The following ADAMTSL1 variants were observed in gnomAD, a reference collection of about 807,000 sequenced individuals.
ADAMTSL1 encodes the protein ADAMTS-like protein 1.
ADAMTSL1 carries 126 observed loss-of-function variants against 201.8 expected under a neutral mutation model. That is an observed-to-expected ratio of 0.62 (90% CI 0.54 to 0.72). The LOEUF (loss-of-function observed/expected upper bound fraction) is 0.72, where lower values mean the gene tolerates loss of function less well. ADAMTSL1 is among the 30% of genes least tolerant of loss of function. The pLI, the probability that ADAMTSL1 is intolerant of heterozygous loss-of-function variation, is 0.00. For missense variants in ADAMTSL1, 2,679 were observed against 2,277.8 expected (o/e 1.18, Z -3.59); for synonymous variants, 1,121 against 903.4 (o/e 1.24, Z -4.32).
chr9:18,363,324 C>T lies in ADAMTSL1; in HGVS notation c.208-141505C>T, dbSNP rs892538967. Among the ~76,000 whole-genome samples, 51 of 152,320 alleles carry T rather than the reference C, an allele frequency of 3.3e-4. 1 individual carries two copies. Among genetic ancestry groups the T allele is most frequent in the African/African-American group, 1.2e-3 (49 of 41,580 alleles). Reference sequence around the variant, plus strand: ...CTGAGGTCTCTCCTAAGTAAACAATCATAAACTCAGTTGTGTAGGCAATCC... The same window carrying T: ...CTGAGGTCTCTCCTAAGTAAACAATTATAAACTCAGTTGTGTAGGCAATCC... On this transcript the variant is annotated intron_variant, in intron 2 of 29. Transcript: ENST00000680146.
Position 18,777,341 on chromosome 9 carries a change from C to T in ADAMTSL1, c.3112C>T (p.Leu1038=), listed in dbSNP as rs530149736. 1.4e-5 allele frequency: 22 copies of T among 1,601,456 alleles called. No homozygotes were observed. In the African/African-American group the frequency reaches 1.9e-4, roughly 14 times the overall value. ...LLEQGGWPGE[L]LASWEAQDSA... ...GGAGCAGGGCGGCTGGCCCGGAGAG[C>T]TGCTGGCCTCGTGGGAGGCGCAGGA... The change falls in exon 19 of 29, where the codon CTG becomes TTG. Residue 1038 remains leucine (L), a synonymous_variant. Transcript: ENST00000380548.
intron 1 of ADAMTSL1, among the ~76,000 whole-genome samples, chr9:17,976,688 C>T (rs1203082680): frequency 6.6e-6 from 1 of 151,700 alleles, no homozygotes; most frequent in Non-Finnish European, 1.5e-5. Flanking sequence ...CTCACTCTCT[C>T]TCTTGCTCTC....
intron 1 of ADAMTSL1, among the ~76,000 whole-genome samples, chr9:17,997,984 A>C (rs1003130263): frequency 2.0e-5 from 3 of 152,046 alleles, no homozygotes; most frequent in Non-Finnish European, 4.4e-5. Flanking sequence ...CATTAATAGA[A>C]ATAGAAGCAG....
At chr9:17,954,562 G>A (rs1329017689) in intron 1 of ADAMTSL1, among the ~76,000 whole-genome samples, 1 of 152,170 alleles carries the variant, frequency 6.6e-6, no homozygotes, top group Non-Finnish European at 1.5e-5. Flanking sequence ...CCCAAACTTA[G>A]TTACTGATAA....
At chr9:18,720,516 G>A (rs977984369) in intron 14 of ADAMTSL1, among the ~76,000 whole-genome samples, 21 of 152,222 alleles carry the variant, frequency 1.4e-4, no homozygotes, top group African/African-American at 5.1e-4. Context: ...AGGTGCAATG[G>A]CTCACGCCTG....
chr9:18,839,751 A>T (rs1181211121), intron 23 of ADAMTSL1, among the ~76,000 whole-genome samples: 1 of 151,902 alleles, frequency 6.6e-6, no homozygotes, highest in African/African-American at 2.4e-5. Context: ...GTGGTATCTC[A>T]TTGTGGTTTT....
intron 25 of ADAMTSL1, among the ~76,000 whole-genome samples, chr9:18,892,163 C>T (rs1488449943): frequency 1.3e-5 from 2 of 152,252 alleles, no homozygotes; most frequent in Non-Finnish European, 2.9e-5. Context: ...ATAATTACAT[C>T]TGGAAAGAAC....
intron 14 of ADAMTSL1, among the ~76,000 whole-genome samples, chr9:18,714,472 A>C (rs1156858464): frequency 6.6e-6 from 1 of 152,256 alleles, no homozygotes; most frequent in South Asian, 2.1e-4. Flanking sequence ...AAACACCTCT[A>C]TGCAAATAAA....
intron 5 of ADAMTSL1, among the ~76,000 whole-genome samples, chr9:18,626,813 C>CTTT (rs1459017046): frequency 7.0e-6 from 1 of 142,776 alleles, no homozygotes; most frequent in Non-Finnish European, 1.6e-5. Context: ...TATTTTCTTT[C>CTTT]TTTCTTTCTT....
intron 2 of ADAMTSL1, among the ~76,000 whole-genome samples, chr9:18,276,283 A>G (rs1026857044): frequency 2.6e-5 from 4 of 152,148 alleles, no homozygotes. Flanking sequence ...AATGTTTTAT[A>G]CTAACGTGTT....
At chr9:18,227,727 A>T (rs770574233) in intron 2 of ADAMTSL1, among the ~76,000 whole-genome samples, 2 of 151,832 alleles carry the variant, frequency 1.3e-5, no homozygotes, top group African/African-American at 2.4e-5. Context: ...CTTCCCTAGC[A>T]CCCCCAGTAG....
chr9:18,453,336 C>T (rs1820485126), intron 2 of ADAMTSL1, among the ~76,000 whole-genome samples: 1 of 152,078 alleles, frequency 6.6e-6, no homozygotes, highest in African/African-American at 2.4e-5. Context: ...GAGCTCTGGA[C>T]CTGCAATGGG....
Position 18,474,610 on chromosome 9 carries a change from CT to C in ADAMTSL1, c.63+317del, listed in dbSNP as rs560916325. On this transcript the variant is annotated intron_variant, in intron 1 of 28. Transcript: ENST00000380548. The stretch of plus-strand genomic sequence containing the variant: ...GACTGTATATATGGTGGTGTGTATG[CT>C]TGGAATTTGGATAACAGACATCCTG... Among the ~76,000 whole-genome samples the C allele has an allele frequency of 1.7e-3, 258 of 152,180 alleles. 1 individual carries two copies. The highest frequency in any genetic ancestry group is 5.9e-3 in the African/African-American group (247 of 41,516).
chr9:18,281,057 T>C (rs1832768552), intron 2 of ADAMTSL1, among the ~76,000 whole-genome samples: 1 of 151,990 alleles, frequency 6.6e-6, no homozygotes, highest in Admixed American at 6.6e-5. Flanking sequence ...TAAACATTTC[T>C]TGTAGAGACA....
chr9:18,183,295 G>C lies in ADAMTSL1; in HGVS notation c.207+19314G>C, dbSNP rs187083656. 2.2e-3 allele frequency among the ~76,000 whole-genome samples: 328 copies of C among 152,270 alleles called. 2 individuals carry two copies. Among genetic ancestry groups the C allele is most frequent in the African/African-American group, 7.0e-3 (290 of 41,550 alleles). ...AAAATTCTTAGAAGATAACATGGGA[G>C]AAAACCTAGATGACATTGGGTGTAG... On this transcript the variant is annotated intron_variant, in intron 2 of 29. Transcript: ENST00000680146.
At chr9:18,907,021 A>G (rs1830350944) in intron 28 of ADAMTSL1, 109 bp downstream of exon 28, 9 of 1,266,172 alleles carry the variant, frequency 7.1e-6, no homozygotes, top group Non-Finnish European at 1.0e-5. Context: ...CAGCTTCCCC[A>G]GGGATTGTGA....
intron 2 of ADAMTSL1, among the ~76,000 whole-genome samples, chr9:18,264,152 C>T (rs879333662): frequency 9.9e-5 from 15 of 152,024 alleles, no homozygotes; most frequent in Non-Finnish European, 1.9e-4. Context: ...TTGTCTATTC[C>T]TCCCTCTTAA....
chr9:18,218,781 TC>T (rs2132348145), intron 2 of ADAMTSL1, among the ~76,000 whole-genome samples: 1 of 152,196 alleles, frequency 6.6e-6, no homozygotes, highest in East Asian at 1.9e-4. Context: ...AATTTGTCAA[TC>T]TTTGCATAAT....
intron 15 of ADAMTSL1, among the ~76,000 whole-genome samples, chr9:18,742,789 T>G (rs1818915520): frequency 6.6e-6 from 1 of 152,142 alleles, no homozygotes; most frequent in African/African-American, 2.4e-5. Flanking sequence ...GTTTTTAATG[T>G]GAAGATGCTA....
Sources: allele counts gnomAD v4.1 joint callset (sites outside exome capture counted in the v4.1 genomes callset), GRCh38; gene constraint gnomAD v4.1.1; transcripts MANE v1.5; gene names NCBI Gene and HGNC (gene_info 2026-07-23, HGNC 2026-07-21).